ZNF385B: variants seen among roughly 807,000 people sequenced by gnomAD.
The protein encoded by ZNF385B is zinc finger protein 385B, also known as zinc finger protein 533.
ZNF385B carries 23 observed loss-of-function variants against 39.2 expected under a neutral mutation model. The ratio of observed to expected loss-of-function variants is 0.59; its 90% confidence interval spans 0.42 to 0.83. The LOEUF is 0.83. Ranked by LOEUF, ZNF385B falls within the 40% of genes least tolerant of loss-of-function variation. The probability of loss-of-function intolerance (pLI) is 0.00; values close to 1 mark genes in which losing one functional copy is unlikely to be tolerated. For missense variants in ZNF385B, 552 were observed against 598.9 expected, an observed-to-expected ratio of 0.92 and a Z score of 0.82; for synonymous variants, 205 against 222.6, an observed-to-expected ratio of 0.92 and a Z score of 0.70.
At chr2:179,768,000 AGCACAGTG>A (rs949383482) in intron 3 of ZNF385B, among the ~76,000 whole-genome samples, 1 of 150,582 alleles carries the variant, frequency 6.6e-6, no homozygotes, top group African/African-American at 2.4e-5. Flanking sequence ...CTCAGGCTGG[AGCACAGTG>A]GCGTGATCTC....
chr2:179,701,585 A>G (rs1699205475), intron 3 of ZNF385B, among the ~76,000 whole-genome samples: 1 of 152,240 alleles, frequency 6.6e-6, no homozygotes, highest in East Asian at 1.9e-4. Flanking sequence ...CTTAAGCATC[A>G]GTTTAAAATG....
intron 3 of ZNF385B, among the ~76,000 whole-genome samples, chr2:179,585,520 G>A (rs1257931362): frequency 6.6e-6 from 1 of 152,152 alleles, no homozygotes; most frequent in African/African-American, 2.4e-5. Flanking sequence ...AAAAGAGAAT[G>A]ACTCCAAAGT....
intron 3 of ZNF385B, among the ~76,000 whole-genome samples, chr2:179,577,637 A>G (rs973994897): frequency 2.6e-5 from 4 of 152,140 alleles, no homozygotes; most frequent in African/African-American, 9.6e-5. Flanking sequence ...TATAAATTGA[A>G]AATTTTCTTT....
chr2:179,540,072 A>G (rs750704635), intron 4 of ZNF385B, among the ~76,000 whole-genome samples: 2 of 152,220 alleles, frequency 1.3e-5, no homozygotes, highest in African/African-American at 4.8e-5. Context: ...ACTTGCCAAT[A>G]TTCATACACC....
intron 3 of ZNF385B, among the ~76,000 whole-genome samples, chr2:179,587,259 A>G (rs1477540343): frequency 1.3e-5 from 2 of 152,164 alleles, no homozygotes; most frequent in Non-Finnish European, 2.9e-5. Flanking sequence ...GTTACTCTAA[A>G]TATTTCATAA....
intron 3 of ZNF385B, among the ~76,000 whole-genome samples, chr2:179,618,624 G>C (rs1689953931): frequency 6.6e-6 from 1 of 152,116 alleles, no homozygotes; most frequent in Admixed American, 6.6e-5. Context: ...AGGAGGTTAT[G>C]GAGAGAATCA....
chr2:179,594,261 C>T (rs1476343646), intron 3 of ZNF385B, among the ~76,000 whole-genome samples: 2 of 152,108 alleles, frequency 1.3e-5, no homozygotes, highest in Non-Finnish European at 2.9e-5. Flanking sequence ...TTGGCAGTCA[C>T]ACAAATACAT....
At chr2:179,672,507 G>A (rs902624855) in intron 3 of ZNF385B, among the ~76,000 whole-genome samples, 4 of 152,170 alleles carry the variant, frequency 2.6e-5, no homozygotes, top group African/African-American at 9.7e-5. Flanking sequence ...TTTAGGGGAG[G>A]AGTGAGAGGT....
At chr2:179,651,487 A>G (rs1693187279) in intron 3 of ZNF385B, among the ~76,000 whole-genome samples, 2 of 152,118 alleles carry the variant, frequency 1.3e-5, no homozygotes, top group Non-Finnish European at 2.9e-5. Context: ...TCTGGAGACA[A>G]AAGAAAACAC....
intron 3 of ZNF385B, among the ~76,000 whole-genome samples, chr2:179,713,039 T>G (rs1291999413): frequency 6.6e-6 from 1 of 152,120 alleles, no homozygotes; most frequent in African/African-American, 2.4e-5. Context: ...CAACCCACAC[T>G]CCACAGTGGA....
rs1217298231 is a variant in ZNF385B at position 179,636,784 on chromosome 2, TTGAC to T, written c.299-91819_299-91816del. On this transcript the variant is annotated intron_variant, in intron 3 of 9. Coordinates refer to ENST00000410066, the MANE Select transcript of ZNF385B (RefSeq NM_152520.6). ...TCCTTTAATATTTAACTTTGACTCT[TTGAC>T]TGCATCCTCAGGAGTCCTCAGTACA... is the stretch of plus-strand genomic sequence containing the variant. 3.3e-5 allele frequency among the ~76,000 whole-genome samples: 5 copies of T among 152,170 alleles called. No individual in the cohort carries two copies. In the South Asian group the frequency reaches 1.0e-3, roughly 32 times the overall value.
intron 3 of ZNF385B, among the ~76,000 whole-genome samples, chr2:179,646,282 G>A (rs1360491068): frequency 6.6e-6 from 1 of 152,216 alleles, no homozygotes; most frequent in Non-Finnish European, 1.5e-5. Context: ...GGATATGGTG[G>A]CAGGCACCTG....
intron 3 of ZNF385B, among the ~76,000 whole-genome samples, chr2:179,759,007 C>T (rs894292496): frequency 6.6e-6 from 1 of 152,230 alleles, no homozygotes; most frequent in Non-Finnish European, 1.5e-5. Flanking sequence ...TCAGCCACAT[C>T]TCAGCTTTTT....
chr2:179,447,701 C>T (rs949526053), intron 6 of ZNF385B, among the ~76,000 whole-genome samples: 4 of 152,130 alleles, frequency 2.6e-5, no homozygotes, highest in African/African-American at 9.7e-5. Flanking sequence ...CTGATTAACT[C>T]TCATAAAGAG....
intron 3 of ZNF385B, among the ~76,000 whole-genome samples, chr2:179,637,921 A>G (rs1311790311): frequency 6.6e-6 from 1 of 152,244 alleles, no homozygotes; most frequent in East Asian, 1.9e-4. Context: ...TAAGTTTCTA[A>G]ATAGATCACA....
intron 3 of ZNF385B, among the ~76,000 whole-genome samples, chr2:179,727,445 G>A (rs1361642962): frequency 6.6e-6 from 1 of 151,868 alleles, no homozygotes; most frequent in Non-Finnish European, 1.5e-5. Flanking sequence ...TATATAATAA[G>A]GAAAATAATA....
intron 1 of ZNF385B, among the ~76,000 whole-genome samples, chr2:179,817,152 C>G (rs1440197308): frequency 6.6e-6 from 1 of 152,124 alleles, no homozygotes; most frequent in Non-Finnish European, 1.5e-5. Flanking sequence ...TTTTCATTGT[C>G]TCCTATTGAA....
chr2:179,489,795 T>A (rs1283441659), intron 5 of ZNF385B, among the ~76,000 whole-genome samples: 1 of 152,240 alleles, frequency 6.6e-6, no homozygotes, highest in African/African-American at 2.4e-5. Flanking sequence ...GCCTGCAATA[T>A]CAGTAATGAC....
chr2:179,484,756 A>G (rs2105606587), intron 5 of ZNF385B, among the ~76,000 whole-genome samples: 1 of 152,324 alleles, frequency 6.6e-6, no homozygotes, highest in Middle Eastern at 3.4e-3. Flanking sequence ...TGGGAGATAC[A>G]GGACAACAAA....
Sources: gnomAD v4.1 joint callset for allele counts (sites outside exome capture counted in the v4.1 genomes callset) on GRCh38, gnomAD v4.1.1 for gene constraint, MANE v1.5 for transcripts, NCBI Gene and HGNC (gene_info 2026-07-23, HGNC 2026-07-21) for gene names.